Variants in GNAO1 observed in about 807,000 individuals in gnomAD.
GNAO1 encodes the protein guanine nucleotide-binding protein G(o) subunit alpha.
For missense variants in GNAO1, 166 were observed against 478.7 expected, an observed-to-expected ratio of 0.35 and a Z score of 6.10; for synonymous variants, 164 against 180.7, an observed-to-expected ratio of 0.91 and a Z score of 0.74.
At chr16:56,299,177 A>T (rs1398992457) in intron 3 of GNAO1, among the ~76,000 whole-genome samples, 3 of 152,248 alleles carry the variant, frequency 2.0e-5, no homozygotes. Flanking sequence ...GCCTAACTCC[A>T]AAGGCAAGGC....
At chr16:56,293,719 A>C (rs992947939) in intron 3 of GNAO1, among the ~76,000 whole-genome samples, 3 of 152,206 alleles carry the variant, frequency 2.0e-5, no homozygotes, top group African/African-American at 7.2e-5. Flanking sequence ...ATGACTGAAG[A>C]TGAGGCTAAT....
At chr16:56,252,065 C>A (rs1446401654) in intron 2 of GNAO1, among the ~76,000 whole-genome samples, 1 of 152,198 alleles carries the variant, frequency 6.6e-6, no homozygotes, top group Non-Finnish European at 1.5e-5. Flanking sequence ...ATAAATCATC[C>A]TCCCGCCCTC....
intron 2 of GNAO1, among the ~76,000 whole-genome samples, chr16:56,240,351 A>G (rs1302851971): frequency 5.9e-5 from 9 of 152,064 alleles, no homozygotes; most frequent in African/African-American, 1.7e-4. Context: ...GTAGACTGTT[A>G]TTGGGCACCC....
intron 3 of GNAO1, among the ~76,000 whole-genome samples, chr16:56,323,076 T>C (rs2143635296): frequency 6.6e-6 from 1 of 152,146 alleles, no homozygotes; most frequent in African/African-American, 2.4e-5. Flanking sequence ...ACATTTGAGA[T>C]AGGGTGGGAC....
intron 3 of GNAO1, among the ~76,000 whole-genome samples, chr16:56,323,614 T>C (rs1365029571): frequency 2.0e-5 from 3 of 151,982 alleles, no homozygotes; most frequent in Non-Finnish European, 4.4e-5. Context: ...TCAGCTTACC[T>C]TTCTTTGTGC....
chr16:56,257,952 G>A (rs975598980), intron 2 of GNAO1, among the ~76,000 whole-genome samples: 5 of 152,190 alleles, frequency 3.3e-5, no homozygotes, highest in African/African-American at 1.2e-4. Context: ...CAGCATGTCC[G>A]ATTCTTCAGG....
chr16:56,309,828 G>A (rs1232068458), intron 3 of GNAO1, among the ~76,000 whole-genome samples: 1 of 152,256 alleles, frequency 6.6e-6, no homozygotes, highest in Admixed American at 6.5e-5. Context: ...CCTCCCCAGA[G>A]TGGAGAAAGG....
intron 2 of GNAO1, among the ~76,000 whole-genome samples, chr16:56,201,052 G>C (rs1200601456): frequency 2.6e-5 from 4 of 152,198 alleles, no homozygotes; most frequent in African/African-American, 9.7e-5. Context: ...CAGTGTCATG[G>C]AAGTAGAGAG....
intron 2 of GNAO1, chr16:56,270,350 G>C (rs1401381452): frequency 7.9e-5 from 12 of 152,224 alleles, no homozygotes. Flanking sequence ...CATGAATTCA[G>C]AATCTAGCTT....
At chr16:56,331,313 C>T (rs1210557395) in intron 4 of GNAO1, among the ~76,000 whole-genome samples, 3 of 152,160 alleles carry the variant, frequency 2.0e-5, no homozygotes, top group Non-Finnish European at 4.4e-5. Flanking sequence ...GCACATCCAA[C>T]CAGGGGCTGT....
At chr16:56,294,118 T>C (rs2037259514) in intron 3 of GNAO1, among the ~76,000 whole-genome samples, 2 of 152,322 alleles carry the variant, frequency 1.3e-5, no homozygotes, top group African/African-American at 4.8e-5. Context: ...TGACCCCCAG[T>C]GTGCCTGACT....
At chr16:56,239,260 T>C (rs1442165293) in intron 2 of GNAO1, among the ~76,000 whole-genome samples, 2 of 152,218 alleles carry the variant, frequency 1.3e-5, no homozygotes, top group Non-Finnish European at 2.9e-5. Flanking sequence ...CTCTGTAAAA[T>C]GCCCACAAGC....
intron 3 of GNAO1, among the ~76,000 whole-genome samples, chr16:56,310,526 G>A (rs2037446058): frequency 1.3e-5 from 2 of 152,176 alleles, no homozygotes; most frequent in Non-Finnish European, 1.5e-5. Context: ...TATTGGCACA[G>A]CACAGATCTC....
intron 2 of GNAO1, among the ~76,000 whole-genome samples, chr16:56,221,888 G>A (rs1394086536): frequency 6.6e-6 from 1 of 152,112 alleles, no homozygotes; most frequent in Non-Finnish European, 1.5e-5. Flanking sequence ...GGAAACCAAG[G>A]CAGGAGGGGT....
At chr16:56,224,439 C>T (rs1306088852) in intron 2 of GNAO1, among the ~76,000 whole-genome samples, 13 of 152,268 alleles carry the variant, frequency 8.5e-5, no homozygotes, top group Middle Eastern at 3.4e-3. Flanking sequence ...TCTGCTCTGA[C>T]CTAAGGCTGC....
In GNAO1 at chr16:56,354,602, G is replaced by A. The variant is rs2143704350; in HGVS notation, c.878-264G>A. Among the ~76,000 whole-genome samples the A allele has an allele frequency of 6.6e-6, 1 of 152,320 alleles. No individual in the cohort carries two copies. The highest frequency in any genetic ancestry group is 2.4e-5 in the African/African-American group (1 of 41,574). On this transcript the variant is annotated intron_variant, in intron 7 of 8. Transcript: ENST00000262493. This position sits in a 1 kb window ranked among gnomAD's most constrained non-coding sequence, Gnocchi z 4.3. Reference sequence around the variant, plus strand: ...GAGGCAGGAGAATCGCTTGAACCTGGGAGGCAGAGGTTGCAGTGAGCTGAG... The same window carrying A: ...GAGGCAGGAGAATCGCTTGAACCTGAGAGGCAGAGGTTGCAGTGAGCTGAG...
intron 2 of GNAO1, among the ~76,000 whole-genome samples, chr16:56,224,373 G>A (rs1040270826): frequency 6.6e-6 from 1 of 152,180 alleles, no homozygotes; most frequent in Non-Finnish European, 1.5e-5. Context: ...GCTGCTACCC[G>A]GTAGGATAGC....
chr16:56,236,645 C>T (rs1408209893), intron 2 of GNAO1, among the ~76,000 whole-genome samples: 1 of 152,128 alleles, frequency 6.6e-6, no homozygotes, highest in African/African-American at 2.4e-5. Flanking sequence ...CTAGAGTGAC[C>T]TTTCCAAGCT....
intron 2 of GNAO1, among the ~76,000 whole-genome samples, chr16:56,252,692 ACTT>A (rs1379838834): frequency 6.6e-6 from 1 of 152,182 alleles, no homozygotes; most frequent in African/African-American, 2.4e-5. Flanking sequence ...CATAGGAAGA[ACTT>A]CTCATCACAG....
Sources: allele counts gnomAD v4.1 joint callset (sites outside exome capture counted in the v4.1 genomes callset), GRCh38; gene constraint gnomAD v4.1.1; non-coding constraint Gnocchi (gnomAD v3.1); transcripts MANE v1.5; gene names NCBI Gene and HGNC (gene_info 2026-07-23, HGNC 2026-07-21).